The following ETNK1 variants were observed in gnomAD, a reference collection of about 807,000 sequenced individuals.
ETNK1 encodes the protein putative protein product of Nbla10396.
ETNK1 carries 8 observed loss-of-function variants against 45.1 expected under a neutral mutation model. The ratio of observed to expected loss-of-function variants is 0.18; its 90% CI spans 0.10 to 0.32. The LOEUF (loss-of-function observed/expected upper bound fraction) is 0.32, where lower values mean the gene tolerates loss of function less well. Among genes scored for constraint, ETNK1 ranks in the 10% least tolerant of loss-of-function variants. The pLI is 1.00. For synonymous variants in ETNK1, 152 were observed against 151.9 expected (o/e 1.00, Z -0.01); for missense variants, 302 against 430.6 (o/e 0.70, Z 2.64).
chr12:22,634,542 T>G (rs1186970600), intron 1 of ETNK1, among the ~76,000 whole-genome samples: 1 of 152,188 alleles, frequency 6.6e-6, no homozygotes, highest in Non-Finnish European at 1.5e-5. Context: ...GTTGCTTTAT[T>G]GTCTTCATAC....
intron 1 of ETNK1, among the ~76,000 whole-genome samples, chr12:22,637,967 T>C (rs1156685474): frequency 1.3e-5 from 2 of 152,182 alleles, no homozygotes; most frequent in Admixed American, 6.5e-5. Context: ...AAGAATGGTA[T>C]TTAAAAATAA....
Position 22,644,870 on chromosome 12 carries a change from C to T in ETNK1, c.416+848C>T, listed in dbSNP as rs562742129. 1.3e-4 allele frequency among the ~76,000 whole-genome samples: 20 copies of T among 152,032 alleles called. No homozygotes were observed. The East Asian group carries it at 3.9e-3, about 29-fold the overall frequency. On this transcript the variant is annotated intron_variant, in intron 2 of 7. Coordinates refer to ENST00000266517, the MANE Select transcript of ETNK1 (RefSeq NM_018638.5). ...AAATAGTTTCAACTTTACAAAGCTCCTGAAAGGATTTCGGATGGCCCGGGG... is the reference window on the plus strand; with the variant it reads ...AAATAGTTTCAACTTTACAAAGCTCTTGAAAGGATTTCGGATGGCCCGGGG...
chr12:22,667,552 A>T (rs1345758313), intron 4 of ETNK1, among the ~76,000 whole-genome samples: 1 of 152,186 alleles, frequency 6.6e-6, no homozygotes, highest in Non-Finnish European at 1.5e-5. Context: ...CAGCGTGAAG[A>T]TTAAAGGGAA....
intron 1 of ETNK1, among the ~76,000 whole-genome samples, chr12:22,630,884 T>C (rs1175102943): frequency 1.3e-5 from 2 of 152,104 alleles, no homozygotes; most frequent in Non-Finnish European, 2.9e-5. Context: ...ATACTGGGAT[T>C]ACAGGCATGA....
At position 22,688,807 on chromosome 12, in the gene ETNK1, T is replaced by C. The variant is rs1335528324; in HGVS notation, c.*3853T>C. 1 of 151,972 alleles carries C rather than the reference T, an allele frequency of 6.6e-6. No homozygotes were observed. The highest frequency in any genetic ancestry group is 2.4e-5 in the African/African-American group (1 of 41,442). 9.4% of individuals were successfully genotyped at this position (151,972 alleles called of 1,614,324 possible). ...TTTGCTCTGGTTTTTCTTTAGTCCA[T>C]TAGATTCCAGAATGTCCTTTTACTG... On this transcript the variant is annotated 3_prime_UTR_variant, in exon 8 of 8. Transcript: ENST00000266517.
chr12:22,658,341 A>G (rs1297025084), intron 2 of ETNK1, among the ~76,000 whole-genome samples: 1 of 152,206 alleles, frequency 6.6e-6, no homozygotes, highest in Non-Finnish European at 1.5e-5. Flanking sequence ...AATCTTAAGT[A>G]TCAGAATTCT....
intron 1 of ETNK1, among the ~76,000 whole-genome samples, chr12:22,642,902 CTT>C (rs1440427355): frequency 6.6e-6 from 1 of 151,876 alleles, no homozygotes; most frequent in African/African-American, 2.4e-5. Flanking sequence ...TTTTAATAGA[CTT>C]TTATAACTAG....
At chr12:22,643,712 T>C in intron 1 of ETNK1, 51 bp from the exon 2 acceptor site, 1 of 1,495,316 alleles carries the variant, frequency 6.7e-7, no homozygotes, top group Non-Finnish European at 9.1e-7. Context: ...TCCTGTTCTC[T>C]AAAGATAGAT....
intron 2 of ETNK1, among the ~76,000 whole-genome samples, chr12:22,657,622 C>T (rs1050860206): frequency 1.3e-5 from 2 of 151,832 alleles, no homozygotes; most frequent in South Asian, 2.1e-4. Context: ...CTAATAGCTT[C>T]AAACAAAGTT....
At chr12:22,647,931 A>C (rs1324602659) in intron 2 of ETNK1, among the ~76,000 whole-genome samples, 2 of 151,970 alleles carry the variant, frequency 1.3e-5, no homozygotes. Context: ...TAGGAGAAGG[A>C]CCAATATATG....
At chr12:22,680,512 A>G (rs1420671663) in intron 6 of ETNK1, among the ~76,000 whole-genome samples, 1 of 152,138 alleles carries the variant, frequency 6.6e-6, no homozygotes, top group Non-Finnish European at 1.5e-5. Flanking sequence ...TTGTGCGGGC[A>G]TACTCCATGA....
In ETNK1 at chr12:22,663,860, T is replaced by C. The variant is rs73253848; in HGVS notation, c.700+2655T>C. ...TTACAGAAATGTTCTGTTTTTTTTT[T>C]CTCTCTCCTTACGTGGTTTTATAAT... is the stretch of plus-strand genomic sequence containing the variant. On this transcript the variant is annotated intron_variant, in intron 4 of 7. Transcript: ENST00000266517. 7.4e-3 allele frequency among the ~76,000 whole-genome samples: 1,125 copies of C among 152,098 alleles called. 15 individuals are homozygous for C. The highest frequency in any genetic ancestry group is 0.026 in the African/African-American group (1,065 of 41,530).
intron 2 of ETNK1, among the ~76,000 whole-genome samples, chr12:22,648,953 C>T (rs1953841172): frequency 1.3e-5 from 2 of 151,978 alleles, no homozygotes; most frequent in Admixed American, 6.6e-5. Context: ...TTTTTGTTTG[C>T]ATTTCCCTGA....
intron 4 of ETNK1, among the ~76,000 whole-genome samples, chr12:22,662,056 AC>A (rs60368698): frequency 0.011 from 1,333 of 124,428 alleles, 25 homozygotes; most frequent in East Asian, 0.079. Flanking sequence ...AGTTCCCCGC[AC>A]CCCCCCCCCC....
intron 2 of ETNK1, among the ~76,000 whole-genome samples, chr12:22,658,242 AAG>A (rs956112153): frequency 5.9e-5 from 9 of 152,132 alleles, no homozygotes; most frequent in Non-Finnish European, 5.9e-5. Context: ...AGGGGCCTCA[AAG>A]AGAGAGAGAA....
chr12:22,680,902 C>CCCCG (rs1414078251), intron 6 of ETNK1, among the ~76,000 whole-genome samples: 2 of 136,808 alleles, frequency 1.5e-5, no homozygotes, highest in Admixed American at 7.3e-5. Flanking sequence ...CCCCGCCCCC[C>CCCCG]CCTCCATTAT....
chr12:22,659,048 A>G lies in ETNK1; in HGVS notation c.451A>G (p.Ile151Val). The G allele has an allele frequency of 1.2e-6, 2 of 1,613,966 alleles. No homozygotes were observed. Among genetic ancestry groups the G allele is most frequent in the Non-Finnish European group, 8.5e-7 (1 of 1,179,932 alleles). The change falls in exon 3 of 8, where the codon ATT (isoleucine) becomes GTT (valine). Residue 151 changes from isoleucine to valine, a missense_variant. Physicochemically the swap from Ile to Val is conservative, Grantham distance 29 (BLOSUM62 3). Around this residue, in one of 3 missense-constraint regions of ETNK1, gnomAD observed 205 missense variants for 259.9 expected, o/e 0.79. Transcript: ENST00000266517. ...IARQLAKIHAIHAHNGWIPKS... is the reference protein window; with the variant it reads ...IARQLAKIHAVHAHNGWIPKS... ...TCGTCAGCTTGCTAAAATCCATGCTATTCATGCACACAATGGCTGGATCCC... is the reference window on the plus strand; with the variant it reads ...TCGTCAGCTTGCTAAAATCCATGCTGTTCATGCACACAATGGCTGGATCCC...
intron 2 of ETNK1, among the ~76,000 whole-genome samples, chr12:22,652,817 T>C (rs542159082): frequency 6.6e-6 from 1 of 152,292 alleles, no homozygotes; most frequent in East Asian, 1.9e-4. Flanking sequence ...ATTGTGTCCT[T>C]TGGTGCGTAG....
chr12:22,630,977 G>A (rs1953572295), intron 1 of ETNK1, among the ~76,000 whole-genome samples: 2 of 152,154 alleles, frequency 1.3e-5, no homozygotes, highest in East Asian at 1.9e-4. Context: ...TGTAGAGAAG[G>A]GTTGTTTGAG....
Sources: gnomAD v4.1 joint callset for allele counts (sites outside exome capture counted in the v4.1 genomes callset) on GRCh38, gnomAD v4.1.1 for gene constraint, gnomAD v4.1.1 regional missense constraint, MANE v1.5 for transcripts, NCBI Gene and HGNC (gene_info 2026-07-23, HGNC 2026-07-21) for gene names.